RTN1: variants seen among roughly 807,000 people sequenced by gnomAD.
The protein encoded by RTN1 is reticulon-1.
RTN1 carries 25 observed loss-of-function variants against 65.5 expected under a neutral mutation model. The ratio of observed to expected loss-of-function variants is 0.38; its 90% CI spans 0.28 to 0.53. The LOEUF (loss-of-function observed/expected upper bound fraction) is 0.53. Ranked by LOEUF, RTN1 falls within the 20% of genes least tolerant of loss-of-function variation. The probability of loss-of-function intolerance (pLI) is 0.79; values close to 1 mark genes in which losing one functional copy is unlikely to be tolerated. For synonymous variants in RTN1, 471 were observed against 447.6 expected, an observed-to-expected ratio of 1.05 and a Z score of -0.66; for missense variants, 983 against 1,025.4, an observed-to-expected ratio of 0.96 and a Z score of 0.57.
chr14:59,779,722 T>C lies in RTN1; in HGVS notation c.242-33241A>G, dbSNP rs150649729. 2.8e-4 allele frequency among the ~76,000 whole-genome samples: 43 copies of C among 152,278 alleles called. No homozygotes were observed. The East Asian group carries it at 7.3e-3, about 26-fold the overall frequency. On this transcript the variant is annotated intron_variant, in intron 1 of 8. Transcript: ENST00000267484. ...TGCTTAGTGATTCTGAGAATTTGCCTGACCCTCTTTTAGAGAACTTACTGC... is the reference window on the plus strand; with the variant it reads ...TGCTTAGTGATTCTGAGAATTTGCCCGACCCTCTTTTAGAGAACTTACTGC...
At chr14:59,819,405 ACCACCACCACCCCCCCCCCACCCCCCAC>A (rs1886885028) in intron 1 of RTN1, among the ~76,000 whole-genome samples, 1 of 20,186 alleles carries the variant, frequency 5.0e-5, no homozygotes, top group Non-Finnish European at 8.5e-5. Context: ...GTGCATCCAC[ACCACCACCACCCCCCCCCCACCCCCCAC>A]CCCCCCCCCC....
intron 3 of RTN1, among the ~76,000 whole-genome samples, chr14:59,673,682 T>C (rs1319659840): frequency 6.6e-6 from 1 of 151,976 alleles, no homozygotes; most frequent in Non-Finnish European, 1.5e-5. Flanking sequence ...AAAGGCATCA[T>C]CCAGAAGGAA....
intron 1 of RTN1, among the ~76,000 whole-genome samples, chr14:59,776,452 C>T (rs1245714014): frequency 6.6e-6 from 1 of 152,106 alleles, no homozygotes; most frequent in South Asian, 2.1e-4. Flanking sequence ...CAAATGCAGG[C>T]CTCATCCTTG....
chr14:59,696,914 G>A (rs537206602), intron 3 of RTN1, among the ~76,000 whole-genome samples: 1 of 152,226 alleles, frequency 6.6e-6, no homozygotes, highest in East Asian at 1.9e-4. Flanking sequence ...AGAATCACAA[G>A]ATCTAGAAAA....
intron 1 of RTN1, among the ~76,000 whole-genome samples, chr14:59,784,349 G>C (rs1480785906): frequency 6.6e-6 from 1 of 151,976 alleles, no homozygotes; most frequent in African/African-American, 2.4e-5. Flanking sequence ...GCTGAGGCAG[G>C]AGAATTGCTT....
rs1393843727 is a variant in RTN1, at chr14:59,743,256, TTC to T, written c.1015+2450_1015+2451del. Among the ~76,000 whole-genome samples, 526 of 152,268 alleles carry T rather than the reference TTC, an allele frequency of 3.5e-3. 5 individuals are homozygous for T. The highest frequency in any genetic ancestry group is 0.01 in the African/African-American group (435 of 41,548). On this transcript the variant is annotated intron_variant, in intron 2 of 8. Coordinates refer to ENST00000267484, the MANE Select transcript of RTN1 (RefSeq NM_021136.3). ...GGCCATGGCTACTTAAAAATGGAAA[TTC>T]CCTAAAAATTAATGGACCCTTTGTC...
rs1887828529 is a variant in RTN1, at chr14:59,868,059, G to A, written c.241+2331C>T. On this transcript the variant is annotated intron_variant, in intron 1 of 8. Transcript: ENST00000267484. The surrounding 1 kb of genome is among the most constrained non-coding windows in gnomAD (Gnocchi z 4.0). ...TAATAGGCATCTCTGATACAATTGA[G>A]GGCTCACCTGCTAACTTTGCTTATA... 6.6e-6 allele frequency among the ~76,000 whole-genome samples: 1 copy of A among 152,170 alleles called. No individual in the cohort carries two copies. Among genetic ancestry groups the A allele is most frequent in the Non-Finnish European group, 1.5e-5 (1 of 68,032 alleles).
intron 1 of RTN1, among the ~76,000 whole-genome samples, chr14:59,796,157 C>T (rs921490161): frequency 1.3e-5 from 2 of 152,284 alleles, no homozygotes; most frequent in East Asian, 3.9e-4. Flanking sequence ...TACTTAGATA[C>T]ACAAATACTT....
At chr14:59,674,508 T>C (rs1883579274) in intron 3 of RTN1, among the ~76,000 whole-genome samples, 1 of 152,248 alleles carries the variant, frequency 6.6e-6, no homozygotes, top group Non-Finnish European at 1.5e-5. Context: ...GATGAAAAGA[T>C]ATTTTAAAGA....
chr14:59,805,621 G>A (rs1009615683), intron 1 of RTN1, among the ~76,000 whole-genome samples: 3 of 152,108 alleles, frequency 2.0e-5, no homozygotes, highest in Non-Finnish European at 2.9e-5. Context: ...GGCTTGTATA[G>A]TATCATAAAC....
chr14:59,823,235 G>A (rs1170280755), intron 1 of RTN1, among the ~76,000 whole-genome samples: 1 of 151,832 alleles, frequency 6.6e-6, no homozygotes, highest in Non-Finnish European at 1.5e-5. Context: ...TTCTTGTTGG[G>A]TTGGGCCCTT....
intron 1 of RTN1, among the ~76,000 whole-genome samples, chr14:59,755,911 C>G (rs978479184): frequency 6.6e-6 from 1 of 152,318 alleles, no homozygotes; most frequent in South Asian, 2.1e-4. Context: ...CTTTCCCCAA[C>G]TCACTGCCTT....
At chr14:59,840,598 A>G (rs1265925634) in intron 1 of RTN1, among the ~76,000 whole-genome samples, 2 of 152,212 alleles carry the variant, frequency 1.3e-5, no homozygotes, top group Non-Finnish European at 2.9e-5. Context: ...TTGCTACCCT[A>G]TATCTTATAT....
chr14:59,644,309 C>T (rs544779976), intron 3 of RTN1, among the ~76,000 whole-genome samples: 2 of 152,302 alleles, frequency 1.3e-5, no homozygotes, highest in Admixed American at 1.3e-4. Context: ...TACCCAGGAG[C>T]AACATGGAGC....
intron 3 of RTN1, among the ~76,000 whole-genome samples, chr14:59,686,478 T>G (rs1293362477): frequency 2.0e-5 from 3 of 152,204 alleles, no homozygotes; most frequent in Non-Finnish European, 2.9e-5. Flanking sequence ...ATGGTGAATG[T>G]TAAAGCATGT....
At chr14:59,792,883 C>T (rs1431292402) in intron 1 of RTN1, among the ~76,000 whole-genome samples, 1 of 152,010 alleles carries the variant, frequency 6.6e-6, no homozygotes, top group East Asian at 1.9e-4. Flanking sequence ...GTTTGCGGCC[C>T]TCAGAATGAA....
intron 3 of RTN1, among the ~76,000 whole-genome samples, chr14:59,641,265 C>A (rs1403046205): frequency 1.3e-5 from 2 of 152,006 alleles, no homozygotes; most frequent in Non-Finnish European, 2.9e-5. Flanking sequence ...CCATACCTGG[C>A]CTGTTCTTCT....
At chr14:59,690,307 G>T (rs1202246201) in intron 3 of RTN1, among the ~76,000 whole-genome samples, 2 of 151,790 alleles carry the variant, frequency 1.3e-5, no homozygotes, top group Non-Finnish European at 2.9e-5. Flanking sequence ...GCGGAGGTGG[G>T]GGGGGGTCAT....
intron 2 of RTN1, among the ~76,000 whole-genome samples, chr14:59,734,287 T>C (rs189309095): frequency 1.3e-5 from 2 of 152,228 alleles, no homozygotes; most frequent in African/African-American, 2.4e-5. Flanking sequence ...AAAGAACCAA[T>C]GCAAAAACTC....
Sources: allele counts gnomAD v4.1 joint callset (sites outside exome capture counted in the v4.1 genomes callset), GRCh38; gene constraint gnomAD v4.1.1; non-coding constraint Gnocchi (gnomAD v3.1); transcripts MANE v1.5; gene names NCBI Gene and HGNC (gene_info 2026-07-23, HGNC 2026-07-21).